The following CSGALNACT1 variants were observed in gnomAD, a reference collection of about 807,000 sequenced individuals.
The protein encoded by CSGALNACT1 is chondroitin sulfate N-acetylgalactosaminyltransferase 1.
CSGALNACT1 carries 52 observed loss-of-function variants against 51.0 expected under a neutral mutation model. The observed-to-expected ratio is 1.02, with a 90% confidence interval of 0.82 to 1.29. The LOEUF is 1.29. Ranked by LOEUF, CSGALNACT1 falls within the 50% of genes most tolerant of loss-of-function variation. CSGALNACT1 has a pLI of 0.00. For synonymous variants in CSGALNACT1, 341 were observed against 254.4 expected (o/e 1.34, Z -3.24); for missense variants, 935 against 679.2 (o/e 1.38, Z -4.19).
chr8:19,637,043 T>A (rs1000153439), intron 1 of CSGALNACT1, among the ~76,000 whole-genome samples: 1 of 145,838 alleles, frequency 6.9e-6, no homozygotes, highest in Non-Finnish European at 1.5e-5. Flanking sequence ...AAAAAAAAAA[T>A]AGAACAATTA....
chr8:19,496,965 A>C (rs965239024), intron 4 of CSGALNACT1, among the ~76,000 whole-genome samples: 8 of 151,318 alleles, frequency 5.3e-5, no homozygotes, highest in Non-Finnish European at 1.2e-4. Flanking sequence ...GGGGCAAAAC[A>C]CTCTTCCCGG....
chr8:19,428,155 T>C lies in CSGALNACT1; in HGVS notation c.954-7637A>G, dbSNP rs537434967. 2.0e-5 allele frequency among the ~76,000 whole-genome samples: 3 copies of C among 152,320 alleles called. No homozygotes were observed. In the East Asian group the frequency reaches 5.8e-4, roughly 29 times the overall value. Reference sequence around the variant, plus strand: ...ATAATTCCCAGCTCCTGTCTTGCCCTGCACCCTGAGGCATGCATCCCTCCG... The same window carrying C: ...ATAATTCCCAGCTCCTGTCTTGCCCCGCACCCTGAGGCATGCATCCCTCCG... On this transcript the variant is annotated intron_variant, in intron 6 of 9. Transcript: ENST00000454498.
chr8:19,735,664 T>C (rs1237978367), intron 1 of CSGALNACT1, among the ~76,000 whole-genome samples: 1 of 152,116 alleles, frequency 6.6e-6, no homozygotes, highest in Admixed American at 6.5e-5. Flanking sequence ...AAAAATAAAA[T>C]TTTATGTATT....
At chr8:19,698,106 G>A (rs1422630053) in intron 1 of CSGALNACT1, among the ~76,000 whole-genome samples, 1 of 152,200 alleles carries the variant, frequency 6.6e-6, no homozygotes, top group Non-Finnish European at 1.5e-5. Flanking sequence ...GAAGGCTGCT[G>A]GGGAAGCAGG....
chr8:19,426,847 A>C (rs1398118074), intron 6 of CSGALNACT1, among the ~76,000 whole-genome samples: 2 of 152,160 alleles, frequency 1.3e-5, no homozygotes, highest in African/African-American at 4.8e-5. Flanking sequence ...AATATGATTT[A>C]CTCTAATATA....
At chr8:19,463,522 G>A (rs530244851) in intron 4 of CSGALNACT1, among the ~76,000 whole-genome samples, 114 of 152,306 alleles carry the variant, frequency 7.5e-4, no homozygotes, top group Middle Eastern at 6.8e-3. Flanking sequence ...GAGGGGTGGT[G>A]AGGGAAGGGA....
At chr8:19,504,977 G>T (rs550674490) in intron 4 of CSGALNACT1, among the ~76,000 whole-genome samples, 1 of 152,282 alleles carries the variant, frequency 6.6e-6, no homozygotes, top group Admixed American at 6.5e-5. Context: ...AAGGAACAAT[G>T]AAACTGTCCA....
At chr8:19,619,643 G>A (rs962789469) in intron 1 of CSGALNACT1, among the ~76,000 whole-genome samples, 2 of 152,160 alleles carry the variant, frequency 1.3e-5, no homozygotes, top group South Asian at 2.1e-4. Context: ...ATAGGGTAAG[G>A]AAGACGAAGG....
chr8:19,525,010 T>C (rs937202913), intron 3 of CSGALNACT1, among the ~76,000 whole-genome samples: 4 of 152,096 alleles, frequency 2.6e-5, no homozygotes, highest in Non-Finnish European at 5.9e-5. Context: ...AATTGAGAAA[T>C]AGTGCCTAGC....
rs533826838 is a variant in CSGALNACT1 at position 19,473,264 on chromosome 8, T to G, written c.635-14622A>C. On this transcript the variant is annotated intron_variant, in intron 4 of 9. Transcript: ENST00000454498. Reference sequence around the variant, plus strand: ...GATTGCTAGAGGATTTTTTTGATATTGCTTGAAAAACCCATTTCTAATGCA... The same window carrying G: ...GATTGCTAGAGGATTTTTTTGATATGGCTTGAAAAACCCATTTCTAATGCA... Among the ~76,000 whole-genome samples the G allele has an allele frequency of 2.1e-3, 322 of 152,334 alleles. 4 individuals carry two copies. Among genetic ancestry groups the G allele is most frequent in the African/African-American group, 7.5e-3 (311 of 41,590 alleles).
At chr8:19,444,242 T>A (rs2061763834) in intron 5 of CSGALNACT1, among the ~76,000 whole-genome samples, 2 of 152,244 alleles carry the variant, frequency 1.3e-5, no homozygotes, top group Non-Finnish European at 2.9e-5. Flanking sequence ...CAGATTACTT[T>A]TAACACCCAA....
intron 4 of CSGALNACT1, among the ~76,000 whole-genome samples, chr8:19,464,994 T>G (rs1490337449): frequency 6.6e-6 from 1 of 152,118 alleles, no homozygotes; most frequent in Non-Finnish European, 1.5e-5. Flanking sequence ...TATTTCTAGG[T>G]CTATATCCCA....
rs1585982838 is a variant in CSGALNACT1 at position 19,437,379 on chromosome 8, C to T, written c.953+2451G>A. ...TAAAGACAGGATTAGAAGCAACAGC[C>T]CATCTGGGGACCAGGCTAAGGCAGT... On this transcript the variant is annotated intron_variant, in intron 6 of 9. Transcript: ENST00000454498. 2.6e-5 allele frequency among the ~76,000 whole-genome samples: 4 copies of T among 152,114 alleles called. No individual in the cohort carries two copies. The South Asian group carries it at 8.3e-4, about 32-fold the overall frequency.
Position 19,757,451 on chromosome 8 carries a change from T to G in CSGALNACT1, c.-297+399A>C, listed in dbSNP as rs117324351. On this transcript the variant is annotated intron_variant, in intron 1 of 1. Transcript: ENST00000517494. The surrounding 1 kb of genome is among the most constrained non-coding windows in gnomAD (Gnocchi z 4.0). Reference sequence around the variant, plus strand: ...CTGGGGTCGCGGTTGGCCGCGTACCTCCGCGTCACCCACGGCCTCTCTGCA... The same window carrying G: ...CTGGGGTCGCGGTTGGCCGCGTACCGCCGCGTCACCCACGGCCTCTCTGCA... 6 of 151,860 alleles carry G rather than the reference T, an allele frequency of 4.0e-5. No individual in the cohort carries two copies. The highest frequency in any genetic ancestry group is 1.5e-4 in the African/African-American group (6 of 41,328). The allele number at this position is 151,860 out of a possible 1,614,324, so 9.4% of individuals were successfully genotyped here. A position where few individuals can be genotyped will look rare whatever the true frequency, so the allele number is the denominator to read the frequency against.
chr8:19,741,681 AATTCTTTTCAC>A (rs1215805607), intron 1 of CSGALNACT1, among the ~76,000 whole-genome samples: 3 of 152,138 alleles, frequency 2.0e-5, no homozygotes, highest in Admixed American at 1.3e-4. Context: ...AAGGCTTCTG[AATTCTTTTCAC>A]ATTACTTCAG....
chr8:19,513,315 G>A (rs1014784735), intron 3 of CSGALNACT1, among the ~76,000 whole-genome samples: 6 of 151,308 alleles, frequency 4.0e-5, no homozygotes, highest in Admixed American at 2.6e-4. Context: ...ACCGCAAAAT[G>A]TAACGGAAGA....
chr8:19,551,749 C>T (rs1467746538), intron 3 of CSGALNACT1, among the ~76,000 whole-genome samples: 1 of 146,196 alleles, frequency 6.8e-6, no homozygotes, highest in African/African-American at 2.6e-5. Flanking sequence ...CTTGCCATCT[C>T]CCAAAAATTT....
intron 5 of CSGALNACT1, among the ~76,000 whole-genome samples, chr8:19,446,199 T>A (rs2062084266): frequency 6.6e-6 from 1 of 152,046 alleles, no homozygotes; most frequent in Non-Finnish European, 1.5e-5. Flanking sequence ...AGTAAGTAAG[T>A]AAAATGCATG....
chr8:19,407,917 G>GGACATTTGTGTATATGAAT (rs1563251421), intron 9 of CSGALNACT1, among the ~76,000 whole-genome samples: 3 of 79,368 alleles, frequency 3.8e-5, no homozygotes, highest in African/African-American at 1.0e-4. Context: ...GTGTGTGTGT[G>GGACATTTGTGTATATGAAT]TGTGTGTGTG....
Sources: allele counts gnomAD v4.1 joint callset (sites outside exome capture counted in the v4.1 genomes callset), GRCh38; gene constraint gnomAD v4.1.1; non-coding constraint Gnocchi (gnomAD v3.1); transcripts MANE v1.5; gene names NCBI Gene and HGNC (gene_info 2026-07-23, HGNC 2026-07-21).